The following TMEM132D variants were observed in gnomAD, a reference collection of about 807,000 sequenced individuals.
TMEM132D encodes the protein transmembrane protein 132D.
Under a neutral mutation model 62.3 loss-of-function variants are expected in TMEM132D, and 21 were observed. The observed-to-expected ratio is 0.34, with a 90% CI of 0.24 to 0.49. TMEM132D has a LOEUF of 0.49. Ranked by LOEUF, TMEM132D falls within the 20% of genes least tolerant of loss-of-function variation. The pLI is 0.99. For synonymous variants in TMEM132D, 621 were observed against 575.6 expected, an observed-to-expected ratio of 1.08 and a Z score of -1.13; for missense variants, 1,346 against 1,402.8, an observed-to-expected ratio of 0.96 and a Z score of 0.65.
intron 4 of TMEM132D, among the ~76,000 whole-genome samples, chr12:129,311,999 G>GA (rs1881988139): frequency 6.6e-6 from 1 of 152,200 alleles, no homozygotes; most frequent in South Asian, 2.1e-4. Context: ...GTCTTCAGCA[G>GA]AAAAAAAGGC....
intron 3 of TMEM132D, among the ~76,000 whole-genome samples, chr12:129,517,391 A>G (rs537004162): frequency 2.6e-5 from 4 of 152,330 alleles, no homozygotes; most frequent in Non-Finnish European, 5.9e-5. Context: ...TCAGATTACC[A>G]GTTCAAAGGG....
In TMEM132D at chr12:129,259,853, G is replaced by T. The variant is rs947575048; in HGVS notation, c.1300-50190C>A. ...AGAGAAGAGTTCAAGTTGACTTCTT[G>T]TAATTTGACTTGAGCAATGGGGCTG... On this transcript the variant is annotated intron_variant, in intron 4 of 8. Transcript: ENST00000422113. Among the ~76,000 whole-genome samples, 4 of 152,196 alleles carry T rather than the reference G, an allele frequency of 2.6e-5. No individual in the cohort carries two copies. In the East Asian group the frequency reaches 7.7e-4, roughly 29 times the overall value.
At chr12:129,837,303 G>C (rs1017604763) in intron 1 of TMEM132D, among the ~76,000 whole-genome samples, 1 of 152,168 alleles carries the variant, frequency 6.6e-6, no homozygotes, top group African/African-American at 2.4e-5. Flanking sequence ...CTTTTCATGG[G>C]AAGTAAGCCT....
Position 129,615,191 on chromosome 12 carries a change from C to T in TMEM132D, c.969-83986G>A, listed in dbSNP as rs184542859. Among the ~76,000 whole-genome samples the T allele has an allele frequency of 2.0e-5, 3 of 152,196 alleles. No individual in the cohort carries two copies. The East Asian group carries it at 5.8e-4, about 29-fold the overall frequency. On this transcript the variant is annotated intron_variant, in intron 2 of 8. Coordinates refer to ENST00000422113, the MANE Select transcript of TMEM132D (RefSeq NM_133448.3). ...AAATGATACACTGAATTATTTCACT[C>T]CTAGGCAGGCTCTAGAACAGGGAAA...
At chr12:129,164,089 C>T (rs769085920) in intron 5 of TMEM132D, among the ~76,000 whole-genome samples, 5 of 152,116 alleles carry the variant, frequency 3.3e-5, no homozygotes, top group African/African-American at 4.8e-5. Context: ...GTATGCAGCT[C>T]GATTTATATG....
intron 1 of TMEM132D, among the ~76,000 whole-genome samples, chr12:129,807,575 G>T (rs1027637320): frequency 6.6e-6 from 1 of 152,106 alleles, no homozygotes; most frequent in Non-Finnish European, 1.5e-5. Context: ...CTTATATTTG[G>T]CACTTGCTGA....
chr12:129,294,483 T>C (rs1269065172), intron 4 of TMEM132D, among the ~76,000 whole-genome samples: 1 of 152,056 alleles, frequency 6.6e-6, no homozygotes, highest in Non-Finnish European at 1.5e-5. Flanking sequence ...ACCCAGTCTT[T>C]CAGCTGGGAC....
chr12:129,760,017 G>C (rs548274479), intron 1 of TMEM132D, among the ~76,000 whole-genome samples: 1 of 151,866 alleles, frequency 6.6e-6, no homozygotes, highest in Non-Finnish European at 1.5e-5. Context: ...GCAATCCTCT[G>C]CCTCAGCCTC....
intron 3 of TMEM132D, among the ~76,000 whole-genome samples, chr12:129,408,092 C>A (rs553076590): frequency 5.9e-5 from 9 of 152,066 alleles, no homozygotes; most frequent in South Asian, 2.1e-4. Context: ...TGATCTCCCC[C>A]CTCTGGTTTA....
At chr12:129,818,781 T>A (rs1872453624) in intron 1 of TMEM132D, among the ~76,000 whole-genome samples, 1 of 151,944 alleles carries the variant, frequency 6.6e-6, no homozygotes, top group Admixed American at 6.6e-5. Flanking sequence ...ACACCTGTAA[T>A]CCCAGCACTT....
intron 2 of TMEM132D, among the ~76,000 whole-genome samples, chr12:129,606,211 G>A (rs1565920281): frequency 6.6e-6 from 1 of 152,238 alleles, no homozygotes; most frequent in South Asian, 2.1e-4. Context: ...TAGTCTTCGG[G>A]AAATGTCATT....
At chr12:129,200,190 C>G (rs551355478) in intron 5 of TMEM132D, among the ~76,000 whole-genome samples, 1 of 152,262 alleles carries the variant, frequency 6.6e-6, no homozygotes, top group African/African-American at 2.4e-5. Flanking sequence ...CACTCCCACT[C>G]TGTAGCTACA....
chr12:129,689,220 A>G (rs1881003672), intron 2 of TMEM132D, among the ~76,000 whole-genome samples: 1 of 152,180 alleles, frequency 6.6e-6, no homozygotes, highest in African/African-American at 2.4e-5. Flanking sequence ...CTAGCAAAAC[A>G]TGGAACAGGG....
intron 2 of TMEM132D, among the ~76,000 whole-genome samples, chr12:129,555,735 C>CA (rs1212791645): frequency 6.6e-6 from 1 of 151,890 alleles, no homozygotes; most frequent in Non-Finnish European, 1.5e-5. Context: ...CAATAAAAAA[C>CA]AAAAAATAAA....
At chr12:129,354,294 G>A (rs984467077) in intron 3 of TMEM132D, among the ~76,000 whole-genome samples, 18 of 145,428 alleles carry the variant, frequency 1.2e-4, no homozygotes, top group African/African-American at 4.4e-4. Flanking sequence ...CCAGAGTGAT[G>A]CAAAAACTAA....
intron 2 of TMEM132D, among the ~76,000 whole-genome samples, chr12:129,572,431 GTTTC>G (rs60151206): frequency 1.3e-3 from 199 of 150,860 alleles, no homozygotes; most frequent in African/African-American, 4.2e-3. Flanking sequence ...CAGAGGGTCT[GTTTC>G]TTTCTTTCTT....
chr12:129,358,969 T>C (rs201660345), intron 3 of TMEM132D, among the ~76,000 whole-genome samples: 2 of 143,172 alleles, frequency 1.4e-5, no homozygotes, highest in African/African-American at 5.2e-5. Context: ...TTTTTTTTTT[T>C]AAATGTCCAT....
intron 5 of TMEM132D, among the ~76,000 whole-genome samples, chr12:129,207,760 T>A (rs1227064382): frequency 2.0e-5 from 3 of 150,358 alleles, no homozygotes; most frequent in Admixed American, 6.6e-5. Flanking sequence ...CCAGTGAATT[T>A]TTTTTATATA....
intron 3 of TMEM132D, among the ~76,000 whole-genome samples, chr12:129,357,246 CA>C (rs751595186): frequency 0.11 from 9,826 of 91,012 alleles, 667 homozygotes; most frequent in African/African-American, 0.27. Flanking sequence ...GACCGTGTCT[CA>C]AAAAAAAAAA....
Sources: gnomAD v4.1 joint callset for allele counts (sites outside exome capture counted in the v4.1 genomes callset) on GRCh38, gnomAD v4.1.1 for gene constraint, MANE v1.5 for transcripts, NCBI Gene and HGNC (gene_info 2026-07-23, HGNC 2026-07-21) for gene names.